Variants in CDH13 observed in about 807,000 individuals in gnomAD.
The protein encoded by CDH13 is cadherin-13.
In CDH13, 24 loss-of-function variants were observed where a neutral mutation model predicts 63.8. The observed-to-expected ratio is 0.38, with a 90% CI of 0.27 to 0.53. The LOEUF (loss-of-function observed/expected upper bound fraction) is 0.53, where lower values mean the gene tolerates loss of function less well. CDH13 is among the 20% of genes least tolerant of loss of function. The pLI is 0.85. For missense variants in CDH13, 1,049 were observed against 903.1 expected (o/e 1.16, Z -2.07); for synonymous variants, 503 against 355.3 (o/e 1.42, Z -4.67).
intron 1 of CDH13, among the ~76,000 whole-genome samples, chr16:82,774,684 G>A (rs12933997): frequency 0.76 from 115,352 of 152,106 alleles, 46,071 homozygotes; most frequent in East Asian, 1. Flanking sequence ...TAGGGTTTAA[G>A]TTCTGGAAAT....
At chr16:82,717,187 A>G (rs1209569959) in intron 1 of CDH13, among the ~76,000 whole-genome samples, 1 of 152,072 alleles carries the variant, frequency 6.6e-6, no homozygotes, top group East Asian at 1.9e-4. Context: ...CTGGCCCAAC[A>G]AGGCTCCTGA....
chr16:83,162,067 G>C (rs1174500358), intron 4 of CDH13, among the ~76,000 whole-genome samples: 1 of 152,194 alleles, frequency 6.6e-6, no homozygotes, highest in Non-Finnish European at 1.5e-5. Context: ...ATTTTATAAA[G>C]AATTAAAGGA....
chr16:82,682,948 C>A (rs1914700787), intron 1 of CDH13, among the ~76,000 whole-genome samples: 1 of 152,074 alleles, frequency 6.6e-6, no homozygotes, highest in East Asian at 1.9e-4. Context: ...ATGCCTGGGC[C>A]CTAGGAACAC....
intron 4 of CDH13, among the ~76,000 whole-genome samples, chr16:83,165,940 G>A (rs1403842892): frequency 2.0e-5 from 3 of 152,104 alleles, no homozygotes; most frequent in African/African-American, 7.2e-5. Context: ...GGTGGGAGAG[G>A]CTGGAGGGCC....
chr16:82,660,914 C>A (rs1719972478), intron 1 of CDH13, among the ~76,000 whole-genome samples: 1 of 151,470 alleles, frequency 6.6e-6, no homozygotes, highest in African/African-American at 2.4e-5. Context: ...TATAATTTAA[C>A]ATTCATTAAG....
intron 7 of CDH13, among the ~76,000 whole-genome samples, chr16:83,539,379 C>T (rs973536778): frequency 6.6e-6 from 1 of 152,170 alleles, no homozygotes; most frequent in Admixed American, 6.5e-5. Flanking sequence ...ACTCACTTGC[C>T]ACTCCCCTCC....
chr16:83,325,649 CTCTAT>C, intron 5 of CDH13, among the ~76,000 whole-genome samples: 1 of 152,282 alleles, frequency 6.6e-6, no homozygotes, highest in Non-Finnish European at 1.5e-5. Flanking sequence ...ACTCGACGAC[CTCTAT>C]TCTAGAGTAT....
intron 13 of CDH13, among the ~76,000 whole-genome samples, chr16:83,787,389 G>A (rs1006997932): frequency 2.0e-5 from 3 of 152,112 alleles, no homozygotes; most frequent in East Asian, 1.9e-4. Context: ...ATCCAAACAC[G>A]GACTTGAGGT....
chr16:83,127,217 G>T (rs746570616), intron 4 of CDH13, among the ~76,000 whole-genome samples: 1 of 152,204 alleles, frequency 6.6e-6, no homozygotes, highest in Non-Finnish European at 1.5e-5. Flanking sequence ...AAATCAGAGA[G>T]GCCAGCCTGC....
intron 6 of CDH13, among the ~76,000 whole-genome samples, chr16:83,468,051 G>C (rs1004297789): frequency 6.6e-6 from 1 of 152,178 alleles, no homozygotes; most frequent in African/African-American, 2.4e-5. Flanking sequence ...CTCACAAACT[G>C]TCTTCTCTCT....
At chr16:83,053,843 C>T (rs551468358) in intron 3 of CDH13, among the ~76,000 whole-genome samples, 58 of 152,200 alleles carry the variant, frequency 3.8e-4, no homozygotes, top group Non-Finnish European at 8.8e-5. Flanking sequence ...AAACACATTT[C>T]GAGACCCCGA....
chr16:83,539,384 C>G (rs2075257901), intron 7 of CDH13, among the ~76,000 whole-genome samples: 1 of 152,166 alleles, frequency 6.6e-6, no homozygotes, highest in Admixed American at 6.5e-5. Flanking sequence ...CTTGCCACTC[C>G]CCTCCTGCTG....
At chr16:82,938,219 A>T (rs761623503) in intron 2 of CDH13, among the ~76,000 whole-genome samples, 1 of 152,210 alleles carries the variant, frequency 6.6e-6, no homozygotes, top group Non-Finnish European at 1.5e-5. Context: ...CCAGAGGTGT[A>T]AAAACAGCCT....
chr16:82,879,905 A>G (rs1190223880), intron 2 of CDH13, among the ~76,000 whole-genome samples: 1 of 142,804 alleles, frequency 7.0e-6, no homozygotes, highest in Non-Finnish European at 1.5e-5. Context: ...AGAAATATAT[A>G]TTATATATTT....
At chr16:82,788,138 T>C (rs992570285) in intron 1 of CDH13, among the ~76,000 whole-genome samples, 3 of 152,076 alleles carry the variant, frequency 2.0e-5, no homozygotes, top group Admixed American at 6.6e-5. Context: ...AAGAAACTAG[T>C]AGGAATGCAT....
chr16:83,471,368 G>A (rs528220309), intron 6 of CDH13, among the ~76,000 whole-genome samples: 5 of 144,324 alleles, frequency 3.5e-5, no homozygotes, highest in Middle Eastern at 4.3e-3. Context: ...TCCACCCTCC[G>A]GGTTCAAATG....
At chr16:83,154,963 G>C (rs1597431948) in intron 4 of CDH13, among the ~76,000 whole-genome samples, 1 of 152,044 alleles carries the variant, frequency 6.6e-6, no homozygotes, top group South Asian at 2.1e-4. Context: ...TTATGGTTTA[G>C]GGAAAAAATC....
At chr16:83,247,836 A>G (rs574088345) in intron 5 of CDH13, among the ~76,000 whole-genome samples, 3 of 152,330 alleles carry the variant, frequency 2.0e-5, no homozygotes, top group East Asian at 3.9e-4. Flanking sequence ...GATATCATCT[A>G]GTGAGTCAGA....
intron 2 of CDH13, among the ~76,000 whole-genome samples, chr16:83,015,692 T>C (rs1295821474): frequency 1.0e-5 from 1 of 95,772 alleles, no homozygotes; most frequent in Middle Eastern, 3.8e-3. Flanking sequence ...TATATATATA[T>C]ATATATATAT....
Sources: gnomAD v4.1 joint callset for allele counts (sites outside exome capture counted in the v4.1 genomes callset) on GRCh38, gnomAD v4.1.1 for gene constraint, MANE v1.5 for transcripts, NCBI Gene and HGNC (gene_info 2026-07-23, HGNC 2026-07-21) for gene names.